The following MMS22L variants were observed in gnomAD, a reference collection of about 807,000 sequenced individuals.
MMS22L encodes the protein protein MMS22-like.
Under a neutral mutation model 159.1 loss-of-function variants are expected in MMS22L, and 74 were observed. That is an observed-to-expected ratio of 0.47 (90% CI 0.39 to 0.56). MMS22L has a LOEUF of 0.56. Among genes scored for constraint, MMS22L ranks in the 20% least tolerant of loss-of-function variants. The pLI, the probability that MMS22L is intolerant of heterozygous loss-of-function variation, is 0.00. For synonymous variants in MMS22L, 517 were observed against 506.9 expected (o/e 1.02, Z -0.27); for missense variants, 1,351 against 1,422.1 (o/e 0.95, Z 0.80).
At position 97,145,041 on chromosome 6, in the gene MMS22L, CACACACACACACACACACACACACAA is replaced by C. The variant is rs972210522; in HGVS notation, c.*1739_*1764del. 1 of 143,942 alleles carries C rather than the reference CACACACACACACACACACACACACAA, an allele frequency of 6.9e-6. No homozygotes were observed. Among genetic ancestry groups the C allele is most frequent in the South Asian group, 2.2e-4 (1 of 4,510 alleles). The allele number at this position is 143,942 out of a possible 1,614,324, so 8.9% of individuals were successfully genotyped here. On this transcript the variant is annotated 3_prime_UTR_variant, in exon 25 of 25. Coordinates refer to ENST00000683635, the MANE Select transcript of MMS22L (RefSeq NM_001350599.2). ...AAAAAAACCCACACACACACACACA[CACACACACACACACACACACACACAA>C]AAACACATATACACATAAATAACCT...
At chr6:97,283,289 C>G (rs1240017743), upstream of MMS22L, 2 of 152,206 alleles carry the variant, frequency 1.3e-5, no homozygotes, top group Non-Finnish European at 2.9e-5. Flanking sequence ...GTCGGAGCCC[C>G]ACGAATTCTC....
chr6:97,246,556 T>C, intron 11 of MMS22L, 72 bp downstream of exon 11: 4 of 1,230,154 alleles, frequency 3.3e-6, no homozygotes, highest in Non-Finnish European at 4.6e-6. Flanking sequence ...ACAGCTTGCT[T>C]GGTTTTAAAA....
chr6:97,163,600 A>G (rs1292310121), intron 21 of MMS22L, among the ~76,000 whole-genome samples: 1 of 152,140 alleles, frequency 6.6e-6, no homozygotes, highest in Admixed American at 6.6e-5. Flanking sequence ...AGTTTGTACT[A>G]TAATTACTTA....
At chr6:97,189,773 G>A (rs910207619) in intron 14 of MMS22L, among the ~76,000 whole-genome samples, 8 of 151,952 alleles carry the variant, frequency 5.3e-5, no homozygotes, top group Non-Finnish European at 1.2e-4. Flanking sequence ...TAATATCCCC[G>A]GGAATATGCA....
At chr6:97,262,591 CCGAGAT>C (rs1814603597) in intron 9 of MMS22L, among the ~76,000 whole-genome samples, 1 of 149,440 alleles carries the variant, frequency 6.7e-6, no homozygotes, top group Non-Finnish European at 1.5e-5. Context: ...TTGCAGTGAG[CCGAGAT>C]CATGCCAAGG....
intron 11 of MMS22L, among the ~76,000 whole-genome samples, chr6:97,244,707 G>A (rs896397875): frequency 6.6e-6 from 1 of 152,102 alleles, no homozygotes; most frequent in Non-Finnish European, 1.5e-5. Context: ...GCTTGCAGGT[G>A]GCCAATTGTA....
chr6:97,178,965 T>G (rs535018705), intron 17 of MMS22L, among the ~76,000 whole-genome samples: 49 of 152,198 alleles, frequency 3.2e-4, no homozygotes, highest in South Asian at 6.2e-4. Flanking sequence ...TATCACTCAA[T>G]GACTACTTGT....
At chr6:97,249,786 T>G (rs1365993096) in intron 10 of MMS22L, among the ~76,000 whole-genome samples, 15 of 151,898 alleles carry the variant, frequency 9.9e-5, no homozygotes, top group Admixed American at 9.8e-4. Context: ...AATTCATTTT[T>G]GTATCATTCT....
At chr6:97,275,041 C>T (rs1184467831) in intron 4 of MMS22L, among the ~76,000 whole-genome samples, 1 of 152,200 alleles carries the variant, frequency 6.6e-6, no homozygotes, top group Non-Finnish European at 1.5e-5. Context: ...CAGTGGATTA[C>T]AACTACACAA....
intron 11 of MMS22L, among the ~76,000 whole-genome samples, chr6:97,239,594 C>G (rs988415789): frequency 6.6e-6 from 1 of 152,128 alleles, no homozygotes; most frequent in Non-Finnish European, 1.5e-5. Context: ...AAAAAGAATT[C>G]AAAACATTAT....
chr6:97,153,613 C>T (rs1165370837), intron 22 of MMS22L, among the ~76,000 whole-genome samples: 2 of 152,132 alleles, frequency 1.3e-5, no homozygotes, highest in Non-Finnish European at 2.9e-5. Context: ...TCAAGTGATT[C>T]ACCTGCCTCA....
At chr6:97,236,323 C>CAAAA (rs58792910) in intron 11 of MMS22L, among the ~76,000 whole-genome samples, 2 of 94,578 alleles carry the variant, frequency 2.1e-5, no homozygotes, top group African/African-American at 3.8e-5. Context: ...ACTCTTTCTC[C>CAAAA]AAAAAAAAAA....
chr6:97,204,794 C>CAAA (rs58113888), intron 14 of MMS22L, among the ~76,000 whole-genome samples: 6 of 106,344 alleles, frequency 5.6e-5, no homozygotes, highest in African/African-American at 1.1e-4. Flanking sequence ...GACTCAGTGT[C>CAAA]AAAAAAAAAA....
At chr6:97,245,930 TTC>T (rs1812592708) in intron 11 of MMS22L, 1 of 252,816 alleles carries the variant, frequency 4.0e-6, no homozygotes, top group African/African-American at 2.3e-5. Context: ...TTTATTCCTC[TTC>T]AAGTTTTAAA....
intron 1 of MMS22L, among the ~76,000 whole-genome samples, chr6:97,282,777 G>A (rs1816883639): frequency 6.6e-6 from 1 of 152,188 alleles, no homozygotes; most frequent in Admixed American, 6.5e-5. Context: ...GGGCTCTGCA[G>A]CCCAGGACAA....
chr6:97,177,013 C>T (rs1415496295), intron 18 of MMS22L, among the ~76,000 whole-genome samples: 1 of 152,074 alleles, frequency 6.6e-6, no homozygotes, highest in Non-Finnish European at 1.5e-5. Flanking sequence ...CATGATGTTC[C>T]TATTTCTCCT....
intron 14 of MMS22L, among the ~76,000 whole-genome samples, chr6:97,202,672 T>C (rs1186809779): frequency 6.6e-6 from 1 of 152,188 alleles, no homozygotes; most frequent in Admixed American, 6.6e-5. Flanking sequence ...AATGGAATTA[T>C]AACCCAGGTG....
intron 14 of MMS22L, among the ~76,000 whole-genome samples, chr6:97,217,690 G>A (rs1809171605): frequency 6.6e-6 from 1 of 152,160 alleles, no homozygotes; most frequent in African/African-American, 2.4e-5. Flanking sequence ...TAAAAAACCA[G>A]AAGACTAACA....
intron 9 of MMS22L, chr6:97,261,459 GAAGTA>G (rs1814475247): frequency 1.3e-5 from 2 of 152,190 alleles, no homozygotes; most frequent in East Asian, 3.9e-4. Flanking sequence ...CACTTAATGA[GAAGTA>G]AATATATATT....
Sources: gnomAD v4.1 joint callset for allele counts (sites outside exome capture counted in the v4.1 genomes callset) on GRCh38, gnomAD v4.1.1 for gene constraint, MANE v1.5 for transcripts, NCBI Gene and HGNC (gene_info 2026-07-23, HGNC 2026-07-21) for gene names.